Variants in PALLD observed in about 807,000 individuals in gnomAD.
PALLD encodes palladin.
A neutral mutation model predicts 123.5 loss-of-function variants in PALLD; 61 were observed. The observed-to-expected ratio is 0.49, with a 90% CI of 0.40 to 0.61. The LOEUF (loss-of-function observed/expected upper bound fraction) is 0.61. Ranked by LOEUF, PALLD falls within the 20% of genes least tolerant of loss-of-function variation. The pLI is 0.00. For missense variants in PALLD, 1,273 were observed against 1,377.0 expected, an observed-to-expected ratio of 0.92 and a Z score of 1.20; for synonymous variants, 465 against 496.4, an observed-to-expected ratio of 0.94 and a Z score of 0.84.
chr4:168,781,968 C>T (rs1210580473), intron 10 of PALLD, among the ~76,000 whole-genome samples: 1 of 152,090 alleles, frequency 6.6e-6, no homozygotes, highest in African/African-American at 2.4e-5. Flanking sequence ...ACCCTGGCAC[C>T]CATCAGAGCT....
intron 2 of PALLD, among the ~76,000 whole-genome samples, chr4:168,542,709 A>C (rs1765741667): frequency 8.8e-6 from 1 of 113,410 alleles, no homozygotes. Flanking sequence ...TCTCCCAGCT[A>C]ACCTTTCCAT....
chr4:168,698,174 G>C (rs551415895), intron 8 of PALLD, among the ~76,000 whole-genome samples: 1 of 152,298 alleles, frequency 6.6e-6, no homozygotes, highest in East Asian at 1.9e-4. Flanking sequence ...AATCGAAACA[G>C]TAGAAGGATG....
chr4:168,797,214 C>T (rs1279943955), intron 10 of PALLD, among the ~76,000 whole-genome samples: 1 of 151,630 alleles, frequency 6.6e-6, no homozygotes, highest in East Asian at 1.9e-4. Context: ...AAGAAACAAT[C>T]AAATGATTTT....
chr4:168,758,023 A>G (rs1732138127), intron 10 of PALLD, among the ~76,000 whole-genome samples: 1 of 152,204 alleles, frequency 6.6e-6, no homozygotes, highest in African/African-American at 2.4e-5. Flanking sequence ...GCAAGCTGAG[A>G]TCACGCAACT....
chr4:168,913,006 T>C (rs763279419), intron 15 of PALLD, among the ~76,000 whole-genome samples: 156 of 152,346 alleles, frequency 1.0e-3, no homozygotes, highest in Non-Finnish European at 1.5e-3. Context: ...ATCTCAAATA[T>C]GTTCATTTCA....
At chr4:168,585,403 T>G (rs1183394591) in intron 2 of PALLD, among the ~76,000 whole-genome samples, 2 of 152,042 alleles carry the variant, frequency 1.3e-5, no homozygotes, top group African/African-American at 2.4e-5. Flanking sequence ...TAACTAACAA[T>G]GTAGCTTCAA....
chr4:168,527,164 C>T (rs1011027503), intron 2 of PALLD, among the ~76,000 whole-genome samples: 5 of 152,068 alleles, frequency 3.3e-5, no homozygotes, highest in African/African-American at 7.2e-5. Flanking sequence ...GTTGAAGAGT[C>T]GTGCTCCCAG....
At chr4:168,810,087 G>T (rs901478869) in intron 10 of PALLD, among the ~76,000 whole-genome samples, 1 of 151,736 alleles carries the variant, frequency 6.6e-6, no homozygotes, top group Non-Finnish European at 1.5e-5. Flanking sequence ...TTGGTGTCTC[G>T]GTGGCTGCTG....
chr4:168,654,469 G>A (rs1228765842), intron 2 of PALLD, among the ~76,000 whole-genome samples: 1 of 152,136 alleles, frequency 6.6e-6, no homozygotes, highest in Non-Finnish European at 1.5e-5. Flanking sequence ...TTTTCATCAT[G>A]ACATAACGAA....
chr4:168,691,661 C>T (rs1174816171), intron 8 of PALLD, among the ~76,000 whole-genome samples: 1 of 152,124 alleles, frequency 6.6e-6, no homozygotes, highest in African/African-American at 2.4e-5. Flanking sequence ...TTGTACTGAT[C>T]AGAACCCACT....
intron 2 of PALLD, among the ~76,000 whole-genome samples, chr4:168,600,165 T>G (rs901572444): frequency 8.1e-6 from 1 of 123,440 alleles, no homozygotes; most frequent in South Asian, 2.6e-4. Flanking sequence ...TAAACTGTGT[T>G]TGTGTGTGTA....
At chr4:168,699,529 C>CA (rs5863954) in intron 8 of PALLD, among the ~76,000 whole-genome samples, 19,896 of 107,058 alleles carry the variant, frequency 0.19, 1,449 homozygotes, top group African/African-American at 0.27. Context: ...GGACTTGGGA[C>CA]AAAAAAAAAA....
chr4:168,898,185 C>A (rs935954912), intron 13 of PALLD: 2 of 413,658 alleles, frequency 4.8e-6, no homozygotes, highest in East Asian at 5.3e-5. Flanking sequence ...GAATACATAG[C>A]TTTGCTTTTG....
chr4:168,814,209 T>C (rs1370260566), intron 10 of PALLD, among the ~76,000 whole-genome samples: 1 of 152,168 alleles, frequency 6.6e-6, no homozygotes, highest in Non-Finnish European at 1.5e-5. Context: ...ATTTGGAAAT[T>C]ATCAGTGTGA....
intron 8 of PALLD, among the ~76,000 whole-genome samples, chr4:168,703,934 T>G (rs997808362): frequency 6.6e-6 from 1 of 152,082 alleles, no homozygotes; most frequent in Non-Finnish European, 1.5e-5. Flanking sequence ...TGTGTCAATT[T>G]TGGCTTTTGT....
At chr4:168,501,730 A>G (rs1761427992) in intron 1 of PALLD, among the ~76,000 whole-genome samples, 1 of 152,174 alleles carries the variant, frequency 6.6e-6, no homozygotes, top group African/African-American at 2.4e-5. Flanking sequence ...TACACTCTGA[A>G]GGAACCTAAA....
intron 6 of PALLD, among the ~76,000 whole-genome samples, chr4:168,689,994 C>T (rs1183376004): frequency 1.3e-5 from 2 of 151,760 alleles, no homozygotes; most frequent in African/African-American, 4.8e-5. Flanking sequence ...ACAACAAAGG[C>T]AGGAGCAAAG....
intron 10 of PALLD, among the ~76,000 whole-genome samples, chr4:168,733,363 A>T (rs1477303610): frequency 1.3e-5 from 2 of 151,818 alleles, no homozygotes; most frequent in Admixed American, 6.6e-5. Context: ...CTTAGGGATG[A>T]CTCCTGCATG....
chr4:168,566,264 AC>A (rs1217127943), intron 2 of PALLD, among the ~76,000 whole-genome samples: 1 of 151,450 alleles, frequency 6.6e-6, no homozygotes, highest in Non-Finnish European at 1.5e-5. Flanking sequence ...TCACAGGGAG[AC>A]ATTTATCTAT....
Sources: allele counts gnomAD v4.1 joint callset (sites outside exome capture counted in the v4.1 genomes callset), GRCh38; gene constraint gnomAD v4.1.1; transcripts MANE v1.5; gene names NCBI Gene and HGNC (gene_info 2026-07-23, HGNC 2026-07-21).